The following ANKS1A variants were observed in gnomAD, a reference collection of about 807,000 sequenced individuals.
The protein encoded by ANKS1A is ankyrin repeat and sterile alpha motif domain containing 1A.
A neutral mutation model predicts 120.3 loss-of-function variants in ANKS1A; 55 were observed. That is an observed-to-expected ratio of 0.46 (90% CI 0.37 to 0.57). The LOEUF is 0.57. Among genes scored for constraint, ANKS1A ranks in the 20% least tolerant of loss-of-function variants. The pLI, the probability that ANKS1A is intolerant of heterozygous loss-of-function variation, is 0.00. For synonymous variants in ANKS1A, 590 were observed against 604.7 expected (o/e 0.98, Z 0.36); for missense variants, 1,123 against 1,480.3 (o/e 0.76, Z 3.96).
At chr6:35,019,703 C>T (rs931856065) in intron 11 of ANKS1A, among the ~76,000 whole-genome samples, 2 of 152,098 alleles carry the variant, frequency 1.3e-5, no homozygotes, top group Admixed American at 1.3e-4. Flanking sequence ...CAGAGTTTTA[C>T]TAATTTACAG....
At chr6:34,963,113 C>T (rs888068829) in intron 1 of ANKS1A, among the ~76,000 whole-genome samples, 14 of 152,134 alleles carry the variant, frequency 9.2e-5, no homozygotes, top group African/African-American at 3.4e-4. Flanking sequence ...CCGCCTGCCT[C>T]AGCCTCCCAA....
intron 1 of ANKS1A, among the ~76,000 whole-genome samples, chr6:34,902,219 A>G (rs574151025): frequency 1.3e-5 from 2 of 151,990 alleles, no homozygotes; most frequent in East Asian, 3.9e-4. Flanking sequence ...TTAGTGCTTC[A>G]TTTTAAGGTT....
At chr6:34,951,623 CATTT>C (rs1770097218) in intron 1 of ANKS1A, among the ~76,000 whole-genome samples, 1 of 152,168 alleles carries the variant, frequency 6.6e-6, no homozygotes, top group Non-Finnish European at 1.5e-5. Context: ...TCATTTGAGA[CATTT>C]ATCCCTTTTA....
intron 1 of ANKS1A, among the ~76,000 whole-genome samples, chr6:34,892,931 C>G (rs1766894386): frequency 6.6e-6 from 1 of 152,148 alleles, no homozygotes; most frequent in African/African-American, 2.4e-5. Context: ...TTCTTCTAGC[C>G]TTCCTTATTT....
intron 1 of ANKS1A, among the ~76,000 whole-genome samples, chr6:34,961,964 G>A (rs1053116403): frequency 3.9e-5 from 6 of 152,192 alleles, no homozygotes; most frequent in African/African-American, 1.4e-4. Context: ...GATTTCGTGT[G>A]TGATTTGGGG....
Position 34,981,758 on chromosome 6 carries a change from C to T in ANKS1A, c.504C>T (p.Leu168=). 3.1e-6 allele frequency: 5 copies of T among 1,614,148 alleles called. No individual in the cohort carries two copies. The South Asian group carries it at 4.4e-5, about 14-fold the overall frequency. Residue 168 remains leucine, a synonymous_variant, in exon 4 of 24, where the codon CTC becomes CTT. Coordinates refer to ENST00000360359, the MANE Select transcript of ANKS1A (RefSeq NM_015245.3). ...QYGHTEVVKV[L]LEELTDPTMR... ...GCCACACAGAGGTGGTGAAGGTGCT[C>T]TTAGAGGAGCTGACGGACCCCACCA...
At chr6:35,047,265 A>G (rs1465785193) in intron 11 of ANKS1A, among the ~76,000 whole-genome samples, 1 of 152,220 alleles carries the variant, frequency 6.6e-6, no homozygotes, top group East Asian at 1.9e-4. Flanking sequence ...CTGATATTAT[A>G]AGACAGGTGT....
In ANKS1A at chr6:35,057,151, C is replaced by T. The variant is rs1250380514; in HGVS notation, c.2077+2986C>T. On this transcript the variant is annotated intron_variant, in intron 12 of 23. Coordinates refer to ENST00000360359, the MANE Select transcript of ANKS1A (RefSeq NM_015245.3). This position sits in a 1 kb window ranked among gnomAD's most constrained non-coding sequence, Gnocchi z 4.1. ...GCACCCCCCAGCCGAAGGGCACGACCACAGCATTGGAGTCTCAGTTCTGTT... is the reference window on the plus strand; with the variant it reads ...GCACCCCCCAGCCGAAGGGCACGACTACAGCATTGGAGTCTCAGTTCTGTT... 6.6e-6 allele frequency among the ~76,000 whole-genome samples: 1 copy of T among 152,082 alleles called. No homozygotes were observed. The highest frequency in any genetic ancestry group is 1.9e-4 in the East Asian group (1 of 5,144).
In ANKS1A at chr6:35,019,004, G is replaced by A. The variant is rs139353399; in HGVS notation, c.2010+945G>A. On this transcript the variant is annotated intron_variant, in intron 11 of 23. Coordinates refer to ENST00000360359, the MANE Select transcript of ANKS1A (RefSeq NM_015245.3). Reference sequence around the variant, plus strand: ...CCCACATTCCCAGATTGGTCAGGCAGAAGAGGGATAAGTGGTTCAGGAAAT... The same window carrying A: ...CCCACATTCCCAGATTGGTCAGGCAAAAGAGGGATAAGTGGTTCAGGAAAT... Among the ~76,000 whole-genome samples the A allele has an allele frequency of 9.7e-4, 147 of 152,318 alleles. 1 individual carries two copies. Among genetic ancestry groups the A allele is most frequent in the African/African-American group, 3.2e-3 (133 of 41,568 alleles).
At chr6:35,048,909 A>G (rs1443126914) in intron 11 of ANKS1A, among the ~76,000 whole-genome samples, 2 of 152,218 alleles carry the variant, frequency 1.3e-5, no homozygotes, top group Non-Finnish European at 2.9e-5. Flanking sequence ...AAGCAAGGCC[A>G]TCGAGCCAGA....
In ANKS1A at chr6:35,017,562, G is replaced by A. The variant is rs773776936; in HGVS notation, c.1513G>A (p.Gly505Ser). The A allele has an allele frequency of 4.3e-6, 7 of 1,613,932 alleles. No individual in the cohort carries two copies. The highest frequency in any genetic ancestry group is 1.7e-5 in the Admixed American group (1 of 60,002). The change falls in exon 11 of 24, where the codon GGC becomes AGC. Residue 505 changes from glycine (G) to serine (S), a missense_variant. Gly to Ser is a moderately conservative substitution (Grantham distance 56). This residue lies in a region of ANKS1A where 904 missense variants were observed against 1,130.4 expected (regional missense o/e 0.80). Coordinates refer to ENST00000360359, the MANE Select transcript of ANKS1A (RefSeq NM_015245.3). Reference sequence around the variant, plus strand: ...AGAGCAGTTCTCAGGCCTCCTCCACGGCTCCTCCCCGGTGTGCGAGGTGGG... The same window carrying A: ...AGAGCAGTTCTCAGGCCTCCTCCACAGCTCCTCCCCGGTGTGCGAGGTGGG... ...VPEQFSGLLHGSSPVCEVGQD... is the reference protein window; with the variant it reads ...VPEQFSGLLHSSSPVCEVGQD...
intron 11 of ANKS1A, among the ~76,000 whole-genome samples, chr6:35,022,349 A>G (rs532153667): frequency 5.9e-5 from 9 of 152,326 alleles, no homozygotes; most frequent in African/African-American, 2.2e-4. Context: ...ATGTATGGCT[A>G]ATAGATTTGG....
At chr6:35,061,276 C>T (rs1476878550) in intron 13 of ANKS1A, among the ~76,000 whole-genome samples, 26 of 152,218 alleles carry the variant, frequency 1.7e-4, no homozygotes, top group Admixed American at 1.7e-3. Flanking sequence ...TGCACAGCCT[C>T]TTTCTTCTCT....
intron 10 of ANKS1A, among the ~76,000 whole-genome samples, chr6:35,004,297 G>T (rs370784397): frequency 6.6e-6 from 1 of 152,102 alleles, no homozygotes; most frequent in African/African-American, 2.4e-5. Flanking sequence ...TCCGCAGCTG[G>T]TCCCGCTACA....
intron 11 of ANKS1A, among the ~76,000 whole-genome samples, chr6:35,018,951 C>T (rs142222409): frequency 3.1e-4 from 47 of 152,290 alleles, no homozygotes; most frequent in Middle Eastern, 6.8e-3. Context: ...AGGCCAAATA[C>T]TTCTTCCAGC....
At position 34,948,845 on chromosome 6, in the gene ANKS1A, GA is replaced by G. The variant is rs557754214; in HGVS notation, c.198-18391del. ...CACTTCATAAAGAGAAGTAAGGGAA[GA>G]AAGGCAGGGAAGATGATCAGAGAAG... On this transcript the variant is annotated intron_variant, in intron 1 of 23. Coordinates refer to ENST00000360359, the MANE Select transcript of ANKS1A (RefSeq NM_015245.3). Among the ~76,000 whole-genome samples the G allele has an allele frequency of 2.1e-4, 32 of 152,328 alleles. No homozygotes were observed. In the East Asian group the frequency reaches 5.4e-3, roughly 26 times the overall value.
At chr6:34,962,925 G>A (rs1770716634) in intron 1 of ANKS1A, among the ~76,000 whole-genome samples, 1 of 148,796 alleles carries the variant, frequency 6.7e-6, no homozygotes, top group Non-Finnish European at 1.5e-5. Context: ...ACAATGGCAC[G>A]ATCTCGGCTC....
chr6:34,966,947 C>T (rs1184379047), intron 1 of ANKS1A, among the ~76,000 whole-genome samples: 2 of 152,130 alleles, frequency 1.3e-5, no homozygotes, highest in African/African-American at 2.4e-5. Flanking sequence ...TCTTTGATGA[C>T]CTTTCAATGA....
intron 1 of ANKS1A, among the ~76,000 whole-genome samples, chr6:34,937,509 G>A (rs889227653): frequency 1.3e-5 from 2 of 152,046 alleles, no homozygotes; most frequent in Admixed American, 1.3e-4. Flanking sequence ...CCTTACTGTG[G>A]AAGGAAGATC....
Sources: gnomAD v4.1 joint callset for allele counts (sites outside exome capture counted in the v4.1 genomes callset) on GRCh38, gnomAD v4.1.1 for gene constraint, gnomAD v4.1.1 regional missense constraint, Gnocchi (gnomAD v3.1) non-coding constraint, MANE v1.5 for transcripts, NCBI Gene and HGNC (gene_info 2026-07-23, HGNC 2026-07-21) for gene names.